The following OVCH1 variants were observed in gnomAD, a reference collection of about 807,000 sequenced individuals.
OVCH1 encodes ovochymase 1.
OVCH1 carries 139 observed loss-of-function variants against 138.4 expected under a neutral mutation model. The observed-to-expected ratio is 1.00, with a 90% CI of 0.87 to 1.16. The LOEUF is 1.16. Among genes scored for constraint, OVCH1 ranks in the 50% most tolerant of loss-of-function variants. The pLI, the probability that OVCH1 is intolerant of heterozygous loss-of-function variation, is 0.00. For synonymous variants in OVCH1, 453 were observed against 467.8 expected (o/e 0.97, Z 0.41); for missense variants, 1,367 against 1,357.9 (o/e 1.01, Z -0.11).
chr12:29,404,501 A>G, the OVCH1 span, among the ~76,000 whole-genome samples: 101,112 of 152,004 alleles, frequency 0.67, 35,000 homozygotes, highest in Middle Eastern at 0.86. Flanking sequence ...GGGCTGATGC[A>G]ACAGATCTCT....
exon 21 of OVCH1, chr12:29,454,894 A>G (rs773321008): frequency 6.2e-7 from 1 of 1,612,800 alleles, no homozygotes. Flanking sequence ...TTGTTGTTTT[A>G]AGGTTTTGCA....
At chr12:29,480,824 A>G (rs1351416385) in intron 8 of OVCH1, among the ~76,000 whole-genome samples, 1 of 152,166 alleles carries the variant, frequency 6.6e-6, no homozygotes, top group Non-Finnish European at 1.5e-5. Context: ...TCCAGTTGGA[A>G]TTCACAAAAC....
intron 21 of OVCH1, among the ~76,000 whole-genome samples, chr12:29,452,157 C>A (rs1006249926): frequency 2.6e-5 from 4 of 152,160 alleles, no homozygotes; most frequent in Admixed American, 2.0e-4. Flanking sequence ...TTAACTCTCT[C>A]TTCTTCCTTT....
chr12:29,408,479 C>A (rs1462102199), downstream of OVCH1, among the ~76,000 whole-genome samples: 2 of 114,232 alleles, frequency 1.8e-5, no homozygotes, highest in Non-Finnish European at 4.2e-5. Flanking sequence ...TGAGATACAT[C>A]CCATCAATAC....
rs145113953 is a variant in OVCH1 at position 29,463,643 on chromosome 12, T to C, written c.2125+864A>G. Among the ~76,000 whole-genome samples, 543 of 152,314 alleles carry C rather than the reference T, an allele frequency of 3.6e-3. 2 individuals carry two copies. Among genetic ancestry groups the C allele is most frequent in the African/African-American group, 0.012 (516 of 41,574 alleles). Reference sequence around the variant, plus strand: ...TCCTCAATTTGATATTTATTAGTTATGGGATCTCAGCAAGTTACTTAAATC... The same window carrying C: ...TCCTCAATTTGATATTTATTAGTTACGGGATCTCAGCAAGTTACTTAAATC... On this transcript the variant is annotated intron_variant, in intron 18 of 27. Coordinates refer to ENST00000318184, the Ensembl canonical transcript of OVCH1.
At chr12:29,460,258 G>T (rs935830715) in intron 19 of OVCH1, among the ~76,000 whole-genome samples, 1 of 152,132 alleles carries the variant, frequency 6.6e-6, no homozygotes, top group African/African-American at 2.4e-5. Context: ...AGCTCACCTT[G>T]TAATGTTAGA....
At chr12:29,464,547 C>A (rs758786022) in exon 18 of OVCH1, 1 of 1,613,486 alleles carries the variant, frequency 6.2e-7, no homozygotes, top group Non-Finnish European at 8.5e-7. Context: ...CACAGATCTC[C>A]GAGGAAAATA....
At chr12:29,450,350 G>T (rs1941749722) in intron 22 of OVCH1, among the ~76,000 whole-genome samples, 1 of 152,150 alleles carries the variant, frequency 6.6e-6, no homozygotes, top group Non-Finnish European at 1.5e-5. Context: ...CAAAAAGTGG[G>T]CAAAGGATAT....
intron 8 of OVCH1, among the ~76,000 whole-genome samples, chr12:29,480,122 G>A (rs771811857): frequency 4.6e-5 from 7 of 151,842 alleles, no homozygotes; most frequent in South Asian, 4.2e-4. Context: ...ATGCCCAGCC[G>A]GAAACTCTTT....
intron 3 of OVCH1, among the ~76,000 whole-genome samples, chr12:29,421,620 T>G (rs191156217): frequency 2.6e-5 from 4 of 152,150 alleles, no homozygotes; most frequent in African/African-American, 9.7e-5. Flanking sequence ...TCTAGACTTA[T>G]CAAAACACTT....
At chr12:29,467,517 G>A (rs1199728047) in intron 16 of OVCH1, among the ~76,000 whole-genome samples, 3 of 152,018 alleles carry the variant, frequency 2.0e-5, no homozygotes, top group East Asian at 1.9e-4. Flanking sequence ...ATTTCTTATA[G>A]TCTTAGGATC....
At chr12:29,456,771 C>T (rs890232960) in intron 19 of OVCH1, among the ~76,000 whole-genome samples, 4 of 152,212 alleles carry the variant, frequency 2.6e-5, no homozygotes, top group Non-Finnish European at 5.9e-5. Flanking sequence ...AAACCTACCA[C>T]AATATCCAGC....
At chr12:29,433,998 A>G (rs1393056591) in intron 26 of OVCH1, among the ~76,000 whole-genome samples, 1 of 148,020 alleles carries the variant, frequency 6.8e-6, no homozygotes, top group Non-Finnish European at 1.5e-5. Flanking sequence ...AATATTCAGA[A>G]TTAAATATAA....
Position 29,414,312 on chromosome 12 carries a change from G to A in OVCH1, c.*72-1587C>T, listed in dbSNP as rs1031956442. Among the ~76,000 whole-genome samples, 7 of 152,058 alleles carry A rather than the reference G, an allele frequency of 4.6e-5. No homozygotes were observed. The South Asian group carries it at 8.3e-4, about 18-fold the overall frequency. ...AAGTGCTGGGATTACAGGCATAAGA[G>A]TGTCCAGCCTGCCAACTGCTTTTCT... On this transcript the variant is annotated intron_variant and NMD_transcript_variant, in intron 3 of 4. Transcript: ENST00000539117.
intron 3 of OVCH1, among the ~76,000 whole-genome samples, chr12:29,417,580 TAA>T (rs1941048006): frequency 6.6e-6 from 1 of 151,608 alleles, no homozygotes; most frequent in Non-Finnish European, 1.5e-5. Flanking sequence ...GGAAACTAGG[TAA>T]AGAGTATATT....
At chr12:29,465,378 C>T (rs1330831435) in intron 16 of OVCH1, among the ~76,000 whole-genome samples, 159 bp from the exon 17 acceptor site, 2 of 152,166 alleles carry the variant, frequency 1.3e-5, no homozygotes, top group Admixed American at 1.3e-4. Context: ...TACAATTCTG[C>T]ATGGCTGGGG....
intron 15 of OVCH1, among the ~76,000 whole-genome samples, 198 bp from the exon 16 acceptor site, chr12:29,472,180 G>A (rs1285633724): frequency 1.3e-5 from 2 of 152,104 alleles, no homozygotes; most frequent in Admixed American, 1.3e-4. Flanking sequence ...CAGAATTTTA[G>A]GGACTGGCCT....
chr12:29,459,816 C>T (rs943168858), intron 19 of OVCH1, among the ~76,000 whole-genome samples: 1 of 152,046 alleles, frequency 6.6e-6, no homozygotes, highest in African/African-American at 2.4e-5. Context: ...ATCTGAAAGC[C>T]AGTTAGCAAA....
chr12:29,412,383 G>A (rs1385110100), downstream of OVCH1: 2 of 152,492 alleles, frequency 1.3e-5, no homozygotes. Context: ...TACCTCAGAT[G>A]GAAATGCAGA....
Sources: allele counts gnomAD v4.1 joint callset (sites outside exome capture counted in the v4.1 genomes callset), GRCh38; gene constraint gnomAD v4.1.1; transcripts MANE v1.5; gene names NCBI Gene and HGNC (gene_info 2026-07-23, HGNC 2026-07-21).